SEM1: variants seen among roughly 807,000 people sequenced by gnomAD.
The protein encoded by SEM1 is 26S proteasome complex subunit SEM1.
SEM1 carries 3 observed loss-of-function variants against 12.7 expected under a neutral mutation model. The ratio of observed to expected loss-of-function variants is 0.24; its 90% CI spans 0.11 to 0.61. The LOEUF (loss-of-function observed/expected upper bound fraction) is 0.61. Among genes scored for constraint, SEM1 ranks in the 20% least tolerant of loss-of-function variants. The probability of loss-of-function intolerance (pLI) is 0.88; values close to 1 mark genes in which losing one functional copy is unlikely to be tolerated. For missense variants in SEM1, 59 were observed against 81.3 expected (o/e 0.73, Z 1.06); for synonymous variants, 30 against 27.8 (o/e 1.08, Z -0.25).
chr7:96,654,495 G>C (rs1809112696), intron 2 of SEM1, among the ~76,000 whole-genome samples: 1 of 152,140 alleles, frequency 6.6e-6, no homozygotes, highest in South Asian at 2.1e-4. Flanking sequence ...ATCTTTTCTA[G>C]AGCTAGCAAG....
intron 1 of SEM1, among the ~76,000 whole-genome samples, chr7:96,705,496 CT>C (rs1790424491): frequency 6.6e-6 from 1 of 151,950 alleles, no homozygotes; most frequent in Non-Finnish European, 1.5e-5. Context: ...TTTTTTAAAA[CT>C]CTTTCAATAA....
downstream of SEM1, among the ~76,000 whole-genome samples, chr7:96,670,888 G>A (rs940135832): frequency 6.6e-6 from 1 of 152,092 alleles, no homozygotes; most frequent in Non-Finnish European, 1.5e-5. Context: ...AAATGTCAAT[G>A]GGGAAACTGT....
intron 2 of SEM1, among the ~76,000 whole-genome samples, chr7:96,582,568 T>C (rs1806450808): frequency 6.6e-6 from 1 of 152,184 alleles, no homozygotes; most frequent in Non-Finnish European, 1.5e-5. Context: ...TCCTTGTACC[T>C]CTGGTAGAAT....
At chr7:96,500,765 G>C (rs75685137), upstream of SEM1, among the ~76,000 whole-genome samples, 1 of 152,038 alleles carries the variant, frequency 6.6e-6, no homozygotes, top group African/African-American at 2.4e-5. Flanking sequence ...GCTTCTTCTC[G>C]TATCCTGTAG....
At chr7:96,496,449 T>A, upstream of SEM1, 1 of 563,104 alleles carries the variant, frequency 1.8e-6, no homozygotes, top group Non-Finnish European at 3.1e-6. Context: ...CCCCAACAAA[T>A]GGAACATATG....
At chr7:96,650,192 T>C in intron 2 of SEM1, 2 of 332,190 alleles carry the variant, frequency 6.0e-6, no homozygotes, top group African/African-American at 4.2e-5. Context: ...GAGGTTTCCA[T>C]AACTGACTTG....
At chr7:96,632,308 T>C (rs1247398364) in intron 2 of SEM1, among the ~76,000 whole-genome samples, 2 of 152,096 alleles carry the variant, frequency 1.3e-5, no homozygotes, top group South Asian at 2.1e-4. Flanking sequence ...CCAAGCAAAA[T>C]ACCCATCAGT....
intron 2 of SEM1, among the ~76,000 whole-genome samples, chr7:96,574,839 G>A (rs1261586438): frequency 6.6e-6 from 1 of 152,138 alleles, no homozygotes; most frequent in Non-Finnish European, 1.5e-5. Context: ...TCTCTAAACT[G>A]GTTATTCTAG....
At chr7:96,686,826 C>A (rs960829967), downstream of SEM1, among the ~76,000 whole-genome samples, 3 of 151,944 alleles carry the variant, frequency 2.0e-5, no homozygotes, top group Admixed American at 1.3e-4. Flanking sequence ...CACAGCAAAA[C>A]AAACTACCAT....
At chr7:96,580,383 G>T (rs555630827) in intron 2 of SEM1, among the ~76,000 whole-genome samples, 4,800 of 150,182 alleles carry the variant, frequency 0.032, 224 homozygotes, top group African/African-American at 0.11. Flanking sequence ...TGGACATTTG[G>T]GTTGGTTCCA....
chr7:96,643,873 G>C (rs538326355), intron 2 of SEM1, among the ~76,000 whole-genome samples: 1 of 152,188 alleles, frequency 6.6e-6, no homozygotes, highest in African/African-American at 2.4e-5. Context: ...GAATAATAAA[G>C]AGGTTGTGTT....
At position 96,691,521 on chromosome 7, in the gene SEM1, G is replaced by A. The variant is rs535985313; in HGVS notation, c.171-2555C>T. ...CCCCAGCAATCTGATTCACACTAGAGTCTGAGATGCCTCTCCACTGTTAAA... is the reference window on the plus strand; with the variant it reads ...CCCCAGCAATCTGATTCACACTAGAATCTGAGATGCCTCTCCACTGTTAAA... On this transcript the variant is annotated intron_variant, in intron 2 of 2. Coordinates refer to ENST00000248566, the MANE Select transcript of SEM1 (RefSeq NM_006304.2). 1.5e-4 allele frequency among the ~76,000 whole-genome samples: 23 copies of A among 152,312 alleles called. No homozygotes were observed. In the South Asian group the frequency reaches 4.8e-3, roughly 32 times the overall value.
intron 2 of SEM1, among the ~76,000 whole-genome samples, chr7:96,666,659 C>G (rs1490677320): frequency 1.5e-5 from 2 of 137,902 alleles, no homozygotes; most frequent in South Asian, 2.2e-4. Context: ...TTTTTTGCCT[C>G]AACCATAAAG....
chr7:96,517,798 T>A (rs1804142753), intron 2 of SEM1, among the ~76,000 whole-genome samples: 1 of 152,180 alleles, frequency 6.6e-6, no homozygotes, highest in South Asian at 2.1e-4. Flanking sequence ...AGTTAACGTT[T>A]ATTATGTTGA....
intron 2 of SEM1, among the ~76,000 whole-genome samples, chr7:96,554,509 C>T (rs1421199730): frequency 3.0e-4 from 43 of 141,246 alleles, no homozygotes; most frequent in African/African-American, 9.7e-4. Flanking sequence ...TATTGATTTG[C>T]GTATATTGAA....
chr7:96,573,076 T>A (rs953184716), intron 2 of SEM1, among the ~76,000 whole-genome samples: 4 of 151,390 alleles, frequency 2.6e-5, no homozygotes, highest in Admixed American at 6.6e-5. Context: ...TGGTTTAAAG[T>A]CTGTTTCATC....
At chr7:96,690,525 G>T (rs1369192677) in intron 2 of SEM1, among the ~76,000 whole-genome samples, 1 of 152,122 alleles carries the variant, frequency 6.6e-6, no homozygotes, top group Non-Finnish European at 1.5e-5. Flanking sequence ...TAATAATCAT[G>T]AGGCTGCTGA....
At chr7:96,648,526 G>T (rs542572257) in intron 2 of SEM1, among the ~76,000 whole-genome samples, 2 of 152,294 alleles carry the variant, frequency 1.3e-5, no homozygotes, top group Admixed American at 1.3e-4. Context: ...GCTATCTTCT[G>T]TATCTGTGGC....
At chr7:96,629,452 A>G (rs2116326987) in intron 2 of SEM1, among the ~76,000 whole-genome samples, 1 of 152,038 alleles carries the variant, frequency 6.6e-6, no homozygotes, top group East Asian at 1.9e-4. Context: ...ATTCTTCAGT[A>G]TGCCAAATTC....
Sources: allele counts gnomAD v4.1 joint callset (sites outside exome capture counted in the v4.1 genomes callset), GRCh38; gene constraint gnomAD v4.1.1; transcripts MANE v1.5; gene names NCBI Gene and HGNC (gene_info 2026-07-23, HGNC 2026-07-21).